The following HSD17B12 variants were observed in gnomAD, a reference collection of about 807,000 sequenced individuals.
HSD17B12 encodes very-long-chain 3-oxoacyl-CoA reductase.
A neutral mutation model predicts 39.3 loss-of-function variants in HSD17B12; 32 were observed. The observed-to-expected ratio is 0.81, with a 90% CI of 0.61 to 1.09. HSD17B12 has a LOEUF of 1.09. Among genes scored for constraint, HSD17B12 ranks in the 50% least tolerant of loss-of-function variants. The pLI is 0.00. For missense variants in HSD17B12, 342 were observed against 382.9 expected (o/e 0.89, Z 0.89); for synonymous variants, 150 against 146.7 (o/e 1.02, Z -0.16).
chr11:43,607,997 C>T, the HSD17B12 span, among the ~76,000 whole-genome samples: 1 of 152,188 alleles, frequency 6.6e-6, no homozygotes, highest in Non-Finnish European at 1.5e-5. Context: ...TGGACTTTAA[C>T]TGAAGTTCAT....
At chr11:43,855,003 A>G in intron 10 of HSD17B12, 139 bp downstream of exon 10, 1 of 1,080,198 alleles carries the variant, frequency 9.3e-7, no homozygotes, top group Non-Finnish European at 1.3e-6. Context: ...TCTTGTTATA[A>G]TTATAATGGT....
intron 3 of HSD17B12, among the ~76,000 whole-genome samples, chr11:43,784,815 A>T (rs918318621): frequency 6.6e-6 from 1 of 152,224 alleles, no homozygotes; most frequent in South Asian, 2.1e-4. Context: ...ACATGTGCCA[A>T]CTTTATCATG....
At chr11:43,841,826 A>C (rs1014222168) in intron 9 of HSD17B12, among the ~76,000 whole-genome samples, 1 of 152,132 alleles carries the variant, frequency 6.6e-6, no homozygotes, top group Non-Finnish European at 1.5e-5. Flanking sequence ...CAAGTATTTC[A>C]CTTTTTGTAT....
intron 4 of HSD17B12, among the ~76,000 whole-genome samples, chr11:43,798,664 G>A (rs1400777132): frequency 1.3e-5 from 2 of 152,040 alleles, no homozygotes; most frequent in Admixed American, 1.3e-4. Flanking sequence ...TATTCTCTGT[G>A]TATATTTAGA....
At chr11:43,708,514 A>G (rs1212689359) in intron 1 of HSD17B12, among the ~76,000 whole-genome samples, 2 of 152,260 alleles carry the variant, frequency 1.3e-5, no homozygotes, top group African/African-American at 4.8e-5. Flanking sequence ...TAAAATAATT[A>G]TGCAAAAAAT....
In HSD17B12 at chr11:43,838,303, A is replaced by G. The variant is rs1238481392; in HGVS notation, c.537-14A>G. The G allele has an allele frequency of 1.3e-6, 2 of 1,597,352 alleles. No individual in the cohort carries two copies. Among genetic ancestry groups the G allele is most frequent in the Non-Finnish European group, 1.7e-6 (2 of 1,165,246 alleles). On this transcript the variant is annotated splice_polypyrimidine_tract_variant and intron_variant, in intron 7 of 10. Transcript: ENST00000278353. ...TGGCTTCACTCCTTTTACACGGTAC[A>G]TTTTCCTTTTTAGATCCAAAGGGGC...
the HSD17B12 span, among the ~76,000 whole-genome samples, chr11:43,574,250 G>A: frequency 6.6e-6 from 1 of 152,230 alleles, no homozygotes. Context: ...CACAGCTGAG[G>A]CCCATGATCA....
chr11:43,641,251 CTTTTTTTTTG>C, the HSD17B12 span, among the ~76,000 whole-genome samples: 1 of 150,080 alleles, frequency 6.7e-6, no homozygotes, highest in East Asian at 1.9e-4. Context: ...AGATAGACCC[CTTTTTTTTTG>C]CACTTTCTCA....
chr11:43,731,861 C>T (rs1398987357), intron 1 of HSD17B12, among the ~76,000 whole-genome samples: 2 of 151,948 alleles, frequency 1.3e-5, no homozygotes, highest in Non-Finnish European at 2.9e-5. Context: ...GAACCCGTGT[C>T]CAAAAAATGG....
intron 3 of HSD17B12, among the ~76,000 whole-genome samples, chr11:43,779,032 AGAT>A (rs1272917957): frequency 6.6e-6 from 1 of 152,178 alleles, no homozygotes; most frequent in African/African-American, 2.4e-5. Flanking sequence ...AATTTTTTAA[AGAT>A]GATATAATAT....
the HSD17B12 span, among the ~76,000 whole-genome samples, chr11:43,617,313 T>C: frequency 1.1e-4 from 17 of 152,176 alleles, no homozygotes; most frequent in African/African-American, 4.1e-4. Context: ...TTGAAAACAT[T>C]GTCTCCCTGA....
chr11:43,690,404 A>ATATATTTTTTTTTTT (rs1554959942), intron 1 of HSD17B12, among the ~76,000 whole-genome samples: 2 of 24,958 alleles, frequency 8.0e-5, no homozygotes, highest in East Asian at 1.0e-3. Context: ...ATATATATAT[A>ATATATTTTTTTTTTT]TTTTTTTTTT....
At chr11:43,789,066 C>T (rs900436439) in intron 3 of HSD17B12, among the ~76,000 whole-genome samples, 2 of 152,284 alleles carry the variant, frequency 1.3e-5, no homozygotes, top group African/African-American at 2.4e-5. Context: ...ACATGCTGTT[C>T]GTTTTCTGCA....
rs1401408957 is a variant in HSD17B12 at position 43,799,480 on chromosome 11, T to C, written c.391+1053T>C. On this transcript the variant is annotated intron_variant, in intron 4 of 10. Transcript: ENST00000278353. Reference sequence around the variant, plus strand: ...GGATAATCAGAATATTGAACTTTGTTATGGAAACAATTCAGAAAATTGTAT... The same window carrying C: ...GGATAATCAGAATATTGAACTTTGTCATGGAAACAATTCAGAAAATTGTAT... Among the ~76,000 whole-genome samples, 2 of 152,134 alleles carry C rather than the reference T, an allele frequency of 1.3e-5. 1 individual carries two copies. Among genetic ancestry groups the C allele is most frequent in the African/African-American group, 4.8e-5 (2 of 41,436 alleles).
chr11:43,591,730 G>A, the HSD17B12 span, among the ~76,000 whole-genome samples: 1 of 149,868 alleles, frequency 6.7e-6, no homozygotes, highest in Non-Finnish European at 1.5e-5. Flanking sequence ...CTTTTTTTTT[G>A]TATTTGTTTT....
intron 1 of HSD17B12, among the ~76,000 whole-genome samples, chr11:43,706,058 G>A (rs961801591): frequency 2.0e-5 from 3 of 152,112 alleles, no homozygotes; most frequent in African/African-American, 7.2e-5. Context: ...AAAGATGTAT[G>A]GAACTCAGGG....
At chr11:43,683,778 G>A (rs1260143029) in intron 1 of HSD17B12, among the ~76,000 whole-genome samples, 1 of 151,914 alleles carries the variant, frequency 6.6e-6, no homozygotes, top group Non-Finnish European at 1.5e-5. Context: ...TATATTTTAA[G>A]TATTTTATTA....
At chr11:43,649,106 T>G in the HSD17B12 span, among the ~76,000 whole-genome samples, 1 of 151,830 alleles carries the variant, frequency 6.6e-6, no homozygotes, top group Non-Finnish European at 1.5e-5. Context: ...AGTAGCCAAC[T>G]TGTGTCTTTT....
intron 1 of HSD17B12, among the ~76,000 whole-genome samples, chr11:43,749,335 A>G (rs895738771): frequency 6.6e-6 from 1 of 152,202 alleles, no homozygotes; most frequent in Non-Finnish European, 1.5e-5. Flanking sequence ...AACAATTGTT[A>G]AAAGTCTTTT....
Sources: gnomAD v4.1 joint callset for allele counts (sites outside exome capture counted in the v4.1 genomes callset) on GRCh38, gnomAD v4.1.1 for gene constraint, MANE v1.5 for transcripts, NCBI Gene and HGNC (gene_info 2026-07-23, HGNC 2026-07-21) for gene names.